LRRC4C: variants seen among roughly 807,000 people sequenced by gnomAD.
The protein encoded by LRRC4C is leucine rich repeat containing 4C.
In LRRC4C, 5 loss-of-function variants were observed where a neutral mutation model predicts 33.6. That is an observed-to-expected ratio of 0.15 (90% CI 0.08 to 0.31). The LOEUF is 0.31. Among genes scored for constraint, LRRC4C ranks in the 10% least tolerant of loss-of-function variants. LRRC4C has a pLI of 1.00. For missense variants in LRRC4C, 560 were observed against 796.7 expected, an observed-to-expected ratio of 0.70 and a Z score of 3.58; for synonymous variants, 329 against 302.0, an observed-to-expected ratio of 1.09 and a Z score of -0.93.
intron 1 of LRRC4C, among the ~76,000 whole-genome samples, chr11:41,457,620 T>TA (rs1160623993): frequency 1.3e-5 from 2 of 152,052 alleles, no homozygotes; most frequent in Non-Finnish European, 2.9e-5. Flanking sequence ...ATTTAAAAAT[T>TA]AAAAAAAGAA....
chr11:40,665,522 C>G (rs1943758698), intron 2 of LRRC4C, among the ~76,000 whole-genome samples: 1 of 151,096 alleles, frequency 6.6e-6, no homozygotes, highest in Admixed American at 6.6e-5. Context: ...CAAGGCATAC[C>G]ATGACTCTTT....
intron 2 of LRRC4C, among the ~76,000 whole-genome samples, chr11:40,747,861 G>T (rs1948500641): frequency 6.6e-6 from 1 of 151,856 alleles, no homozygotes; most frequent in South Asian, 2.1e-4. Flanking sequence ...TAACTCACTT[G>T]GACAAAAAGA....
intron 2 of LRRC4C, among the ~76,000 whole-genome samples, chr11:40,833,550 C>T (rs1294121575): frequency 6.6e-6 from 1 of 151,944 alleles, no homozygotes; most frequent in East Asian, 1.9e-4. Flanking sequence ...ATTGAACAGC[C>T]TCATTTCATT....
In LRRC4C at chr11:40,521,784, G is replaced by A. The variant is rs373194907; in HGVS notation, c.-270+126358C>T. Among the ~76,000 whole-genome samples the A allele has an allele frequency of 5.3e-5, 8 of 151,962 alleles. No homozygotes were observed. In the South Asian group the frequency reaches 8.3e-4, roughly 16 times the overall value. ...CTTGGGAGGTTGAGGCAGGAGAATC[G>A]CTTGAACCTGGGAGCTGGAAATTGC... On this transcript the variant is annotated intron_variant, in intron 3 of 6. Transcript: ENST00000528697.
chr11:41,182,381 A>G (rs1290337434), intron 1 of LRRC4C, among the ~76,000 whole-genome samples: 1 of 152,170 alleles, frequency 6.6e-6, no homozygotes, highest in Non-Finnish European at 1.5e-5. Flanking sequence ...TTCAGGCCAT[A>G]TGAAAACTAC....
intron 1 of LRRC4C, among the ~76,000 whole-genome samples, chr11:41,190,704 T>C (rs1355894741): frequency 2.0e-5 from 3 of 152,132 alleles, no homozygotes; most frequent in South Asian, 2.1e-4. Context: ...GCAAACCAGA[T>C]ACTTGATGTT....
At chr11:40,864,569 C>A (rs1193303503) in intron 2 of LRRC4C, among the ~76,000 whole-genome samples, 1 of 152,138 alleles carries the variant, frequency 6.6e-6, no homozygotes, top group Admixed American at 6.6e-5. Flanking sequence ...CTGATTTAGA[C>A]CAACCTTGTA....
At chr11:40,583,075 T>C (rs1958549744) in intron 3 of LRRC4C, among the ~76,000 whole-genome samples, 1 of 152,236 alleles carries the variant, frequency 6.6e-6, no homozygotes, top group East Asian at 1.9e-4. Context: ...TACCTAACTC[T>C]GTATTTATAC....
chr11:40,615,124 A>AAAATGAAC (rs1479088719), intron 3 of LRRC4C, among the ~76,000 whole-genome samples: 18 of 151,398 alleles, frequency 1.2e-4, no homozygotes, highest in African/African-American at 4.4e-4. Flanking sequence ...AAAGCATAAC[A>AAAATGAAC]AAATGAACTA....
chr11:40,368,153 A>C (rs774835336), intron 3 of LRRC4C, among the ~76,000 whole-genome samples: 3 of 152,172 alleles, frequency 2.0e-5, no homozygotes, highest in African/African-American at 4.8e-5. Context: ...TAAAATCAGC[A>C]CATGTAAATA....
At chr11:40,755,129 C>A (rs1397315115) in intron 2 of LRRC4C, among the ~76,000 whole-genome samples, 1 of 152,088 alleles carries the variant, frequency 6.6e-6, no homozygotes, top group Non-Finnish European at 1.5e-5. Flanking sequence ...ACAGTCATTG[C>A]ACATTTTAGA....
chr11:40,695,991 A>G (rs1007642714), intron 2 of LRRC4C, among the ~76,000 whole-genome samples: 12 of 151,010 alleles, frequency 7.9e-5, no homozygotes, highest in Non-Finnish European at 1.8e-4. Context: ...ATGCCACCAT[A>G]TATATGTACA....
chr11:40,702,877 G>A (rs1350447879), intron 2 of LRRC4C, among the ~76,000 whole-genome samples: 1 of 152,064 alleles, frequency 6.6e-6, no homozygotes, highest in African/African-American at 2.4e-5. Context: ...ATCCCCCTGT[G>A]TGAAAAGGAT....
At position 40,701,370 on chromosome 11, in the gene LRRC4C, T is replaced by G. The variant is rs554178264; in HGVS notation, c.-406-53092A>C. ...AAAGATGCACTACCTTCTTTTTATT[T>G]TCTCAATAGATACTAATGTTTAACA... On this transcript the variant is annotated intron_variant, in intron 2 of 6. Coordinates refer to ENST00000528697, the MANE Select transcript of LRRC4C (RefSeq NM_001258419.2). Among the ~76,000 whole-genome samples, 14 of 152,164 alleles carry G rather than the reference T, an allele frequency of 9.2e-5. No individual in the cohort carries two copies. The South Asian group carries it at 2.9e-3, about 32-fold the overall frequency.
chr11:40,603,625 G>T lies in LRRC4C; in HGVS notation c.-270+44517C>A, dbSNP rs182098618. 1.2e-4 allele frequency among the ~76,000 whole-genome samples: 19 copies of T among 152,296 alleles called. No individual in the cohort carries two copies. The East Asian group carries it at 3.5e-3, about 28-fold the overall frequency. On this transcript the variant is annotated intron_variant, in intron 3 of 6. Transcript: ENST00000528697. The stretch of plus-strand genomic sequence containing the variant: ...CAACCCCAATTCTCCGGAATATGGT[G>T]AAAAATTTAGTATAATGTAGAAAAG...
chr11:41,420,434 C>T (rs939478241), intron 1 of LRRC4C, among the ~76,000 whole-genome samples: 10 of 152,026 alleles, frequency 6.6e-5, no homozygotes, highest in South Asian at 2.1e-4. Flanking sequence ...CTTTTCTACA[C>T]GCAGTGCCCC....
intron 3 of LRRC4C, among the ~76,000 whole-genome samples, chr11:40,517,904 A>G (rs1258031310): frequency 6.6e-6 from 1 of 152,186 alleles, no homozygotes; most frequent in Admixed American, 6.5e-5. Flanking sequence ...TACTGGTACC[A>G]AAACAGATAT....
chr11:40,905,731 C>T (rs1478291371), intron 2 of LRRC4C, among the ~76,000 whole-genome samples: 1 of 152,188 alleles, frequency 6.6e-6, no homozygotes, highest in Admixed American at 6.5e-5. Context: ...GGCCTTATTC[C>T]TGGCCACTTT....
At chr11:40,466,524 G>A (rs974302444) in intron 3 of LRRC4C, among the ~76,000 whole-genome samples, 3 of 151,788 alleles carry the variant, frequency 2.0e-5, no homozygotes, top group Non-Finnish European at 4.4e-5. Flanking sequence ...CCATTTTTCA[G>A]ACAGAATATA....
Sources: gnomAD v4.1 joint callset for allele counts (sites outside exome capture counted in the v4.1 genomes callset) on GRCh38, gnomAD v4.1.1 for gene constraint, MANE v1.5 for transcripts, NCBI Gene and HGNC (gene_info 2026-07-23, HGNC 2026-07-21) for gene names.